The following SRD5A3 variants were observed in gnomAD, a reference collection of about 807,000 sequenced individuals.
SRD5A3 encodes the protein polyprenal reductase.
SRD5A3 carries 24 observed loss-of-function variants against 34.3 expected under a neutral mutation model. That is an observed-to-expected ratio of 0.70 (90% CI 0.51 to 0.99). The LOEUF is 0.99. Ranked by LOEUF, SRD5A3 falls within the 50% of genes least tolerant of loss-of-function variation. The pLI is 0.00. For missense variants in SRD5A3, 350 were observed against 388.2 expected (o/e 0.90, Z 0.83); for synonymous variants, 161 against 167.3 (o/e 0.96, Z 0.29).
chr4:55,352,254 G>C (rs1173812006), intron 1 of SRD5A3: 5 of 912,420 alleles, frequency 5.5e-6, no homozygotes, highest in Non-Finnish European at 9.2e-6. Context: ...TAAGCAGGTA[G>C]GGTGTTGGGG....
chr4:55,361,952 T>G (rs1578208498), intron 2 of SRD5A3, among the ~76,000 whole-genome samples: 1 of 152,172 alleles, frequency 6.6e-6, no homozygotes, highest in Non-Finnish European at 1.5e-5. Context: ...GTTGTGAGGA[T>G]ATGAGGAATT....
At position 55,370,461 on chromosome 4, in the gene SRD5A3, A is replaced by ACACC. The variant is rs1349375813; in HGVS notation, c.*373_*374insCCAC. The ACACC allele has an allele frequency of 3.5e-5, 11 of 310,668 alleles. No homozygotes were observed. The highest frequency in any genetic ancestry group is 2.2e-4 in the African/African-American group (10 of 45,624). The allele number at this position is 310,668 out of a possible 1,614,324, so 19.2% of individuals were successfully genotyped here. ...CACACACACACACACACACACACACACACACACACACAAAGGAAGATCATC... is the reference window on the plus strand; with the variant it reads ...CACACACACACACACACACACACACACACCCACACACACACAAAGGAAGATCATC... On this transcript the variant is annotated 3_prime_UTR_variant, in exon 5 of 5. Coordinates refer to ENST00000264228, the MANE Select transcript of SRD5A3 (RefSeq NM_024592.5).
At position 55,355,133 on chromosome 4, in the gene SRD5A3, A is replaced by G. The variant is rs538945184; in HGVS notation, c.222-4213A>G. Among the ~76,000 whole-genome samples the G allele has an allele frequency of 3.9e-5, 6 of 152,350 alleles. No homozygotes were observed. In the East Asian group the frequency reaches 1.2e-3, roughly 29 times the overall value. On this transcript the variant is annotated intron_variant, in intron 1 of 4. Transcript: ENST00000264228. ...GGAGGCTCAAGCTGGGTCTTTAAAA[A>G]CAAACAAGAGCTATGACTTGTTCTA...
intron 1 of SRD5A3, among the ~76,000 whole-genome samples, chr4:55,357,517 C>A (rs951632040): frequency 6.6e-6 from 1 of 152,176 alleles, no homozygotes; most frequent in African/African-American, 2.4e-5. Flanking sequence ...AACCAAAGAT[C>A]AGTAGCCACA....
chr4:55,360,171 G>C (rs1403380801), intron 2 of SRD5A3, among the ~76,000 whole-genome samples: 2 of 147,846 alleles, frequency 1.4e-5, no homozygotes, highest in Non-Finnish European at 3.0e-5. Flanking sequence ...GCTGAGATCG[G>C]GCCACTGCAC....
intron 1 of SRD5A3, 70 bp downstream of exon 1, chr4:55,346,627 C>A: frequency 1.4e-6 from 2 of 1,413,374 alleles, no homozygotes; most frequent in South Asian, 1.4e-5. Context: ...GGCTCGCGGG[C>A]AGCCAGCAGG....
chr4:55,354,822 G>A (rs986248404), intron 1 of SRD5A3, among the ~76,000 whole-genome samples: 9 of 151,298 alleles, frequency 5.9e-5, no homozygotes, highest in South Asian at 2.1e-4. Context: ...GTGTGTGCGC[G>A]CGTGCGTGCG....
chr4:55,353,141 G>A (rs1719261133), intron 1 of SRD5A3, among the ~76,000 whole-genome samples: 1 of 152,194 alleles, frequency 6.6e-6, no homozygotes, highest in Non-Finnish European at 1.5e-5. Flanking sequence ...AAGAGATGGT[G>A]ATGGTGTGCA....
At chr4:55,368,466 C>T (rs1719991913) in intron 4 of SRD5A3, among the ~76,000 whole-genome samples, 1 of 148,456 alleles carries the variant, frequency 6.7e-6, no homozygotes, top group Non-Finnish European at 1.5e-5. Context: ...GCTCTGTTAC[C>T]CAAGCTGTAG....
At chr4:55,363,830 G>A in intron 2 of SRD5A3, 1 of 538,390 alleles carries the variant, frequency 1.9e-6, no homozygotes, top group Admixed American at 3.0e-5. Context: ...AGCCTGGAAG[G>A]CTGTCACACA....
chr4:55,351,486 AT>A (rs1417581511), intron 1 of SRD5A3, among the ~76,000 whole-genome samples: 2 of 151,624 alleles, frequency 1.3e-5, no homozygotes, highest in Non-Finnish European at 2.9e-5. Flanking sequence ...GCTGAGGCAT[AT>A]TTTTCTGTAC....
At chr4:55,359,325 T>C (rs1184033077) in intron 1 of SRD5A3, 21 bp from the exon 2 acceptor site, 3 of 1,613,760 alleles carry the variant, frequency 1.9e-6, no homozygotes, top group South Asian at 1.1e-5. Flanking sequence ...AATTATTGCC[T>C]CGCTTGTTTT....
chr4:55,346,598 TGA>T (rs1270449120), intron 1 of SRD5A3, 41 bp downstream of exon 1: 1 of 1,520,034 alleles, frequency 6.6e-7, no homozygotes, highest in Non-Finnish European at 8.8e-7. Flanking sequence ...GTCAAGGCGC[TGA>T]GAGTTCGGGG....
rs1340123874 is a variant in SRD5A3 at position 55,372,133 on chromosome 4, A to C, written c.*2042A>C. Reference sequence around the variant, plus strand: ...GGAACAAAACTTTTTGTACATTGGAAATGGAAAACATTGCAGTTTGGTCTT... The same window carrying C: ...GGAACAAAACTTTTTGTACATTGGACATGGAAAACATTGCAGTTTGGTCTT... On this transcript the variant is annotated 3_prime_UTR_variant, in exon 5 of 5. Coordinates refer to ENST00000264228, the MANE Select transcript of SRD5A3 (RefSeq NM_024592.5). 1 of 152,236 alleles carries C rather than the reference A, an allele frequency of 6.6e-6. No individual in the cohort carries two copies. The allele number at this position is 152,236 out of a possible 1,614,324, so 9.4% of individuals were successfully genotyped here.
chr4:55,355,700 T>G (rs1383059915), intron 1 of SRD5A3, among the ~76,000 whole-genome samples: 2 of 152,190 alleles, frequency 1.3e-5, no homozygotes, highest in African/African-American at 4.8e-5. Context: ...ACGCCTAGGT[T>G]GCATGAAAGC....
At chr4:55,355,375 G>A (rs550663332) in intron 1 of SRD5A3, among the ~76,000 whole-genome samples, 21 of 151,856 alleles carry the variant, frequency 1.4e-4, no homozygotes, top group South Asian at 2.1e-4. Context: ...GGAGAATGGC[G>A]TGAACCCAGG....
At chr4:55,362,008 T>C (rs1438104003) in intron 2 of SRD5A3, among the ~76,000 whole-genome samples, 1 of 152,188 alleles carries the variant, frequency 6.6e-6, no homozygotes, top group Non-Finnish European at 1.5e-5. Context: ...AAACTAAGTT[T>C]TAGTTCATTT....
intron 3 of SRD5A3, chr4:55,366,871 G>A (rs1050447545): frequency 3.9e-5 from 6 of 152,650 alleles, no homozygotes; most frequent in Non-Finnish European, 8.8e-5. Context: ...CAGAAGGTCT[G>A]TGTTTTTCCC....
In SRD5A3 at chr4:55,363,889, A is replaced by T. The variant is rs1364253195; in HGVS notation, c.365-185A>T. On this transcript the variant is annotated intron_variant, in intron 2 of 4. Transcript: ENST00000264228. ...TGTTTGTGAACCCAGTGAACTGTGTAACACAGTGAACTGTGTAATTTGAGT... is the reference window on the plus strand; with the variant it reads ...TGTTTGTGAACCCAGTGAACTGTGTTACACAGTGAACTGTGTAATTTGAGT... 11 of 666,974 alleles carry T rather than the reference A, an allele frequency of 1.6e-5. No individual in the cohort carries two copies. In the East Asian group the frequency reaches 2.8e-4, roughly 17 times the overall value. 41.3% of individuals were successfully genotyped at this position (666,974 alleles called of 1,614,324 possible).
Sources: allele counts gnomAD v4.1 joint callset (sites outside exome capture counted in the v4.1 genomes callset), GRCh38; gene constraint gnomAD v4.1.1; transcripts MANE v1.5; gene names NCBI Gene and HGNC (gene_info 2026-07-23, HGNC 2026-07-21).